UBE2K: variants seen among roughly 807,000 people sequenced by gnomAD.
UBE2K encodes the protein ubiquitin-conjugating enzyme E2 K.
UBE2K carries 6 observed loss-of-function variants against 30.0 expected under a neutral mutation model. The observed-to-expected ratio is 0.20, with a 90% CI of 0.11 to 0.39. UBE2K has a LOEUF of 0.39. Ranked by LOEUF, UBE2K falls within the 10% of genes least tolerant of loss-of-function variation. The pLI, the probability that UBE2K is intolerant of heterozygous loss-of-function variation, is 1.00. For synonymous variants in UBE2K, 86 were observed against 83.7 expected (o/e 1.03, Z -0.15); for missense variants, 61 against 241.6 (o/e 0.25, Z 4.96).
intron 1 of UBE2K, among the ~76,000 whole-genome samples, chr4:39,731,698 C>T (rs186121096): frequency 1.3e-5 from 2 of 151,978 alleles, no homozygotes; most frequent in African/African-American, 2.4e-5. Flanking sequence ...AGGTAGAAAT[C>T]GAGTGTATTT....
rs1247158839 is a variant in UBE2K at position 39,777,818 on chromosome 4, C to T, written c.528+8C>T. The T allele has an allele frequency of 7.0e-7, 1 of 1,422,878 alleles. No homozygotes were observed. The highest frequency in any genetic ancestry group is 2.8e-5 in the Admixed American group (1 of 36,202). The allele number at this position is 1,422,878 out of a possible 1,614,324, so 88.1% of individuals were successfully genotyped here. A position where few individuals can be genotyped will look rare whatever the true frequency, so the allele number is the denominator to read the frequency against. On this transcript the variant is annotated splice_region_variant and intron_variant, in intron 6 of 6. Coordinates refer to ENST00000261427, the MANE Select transcript of UBE2K (RefSeq NM_005339.5). Reference sequence around the variant, plus strand: ...GCTATGGGCTTTGATAGGGTAAGTACATAAGGGCATGTTGATTTTGATATA... The same window carrying T: ...GCTATGGGCTTTGATAGGGTAAGTATATAAGGGCATGTTGATTTTGATATA...
chr4:39,736,664 G>A (rs1014904672), intron 1 of UBE2K, among the ~76,000 whole-genome samples: 4 of 152,194 alleles, frequency 2.6e-5, no homozygotes, highest in African/African-American at 7.2e-5. Context: ...ACTGTCATAA[G>A]GTTAAGAGAC....
chr4:39,736,200 C>T (rs1436442646), intron 1 of UBE2K, among the ~76,000 whole-genome samples: 5 of 152,098 alleles, frequency 3.3e-5, no homozygotes, highest in African/African-American at 9.7e-5. Flanking sequence ...CGGTGCCTCA[C>T]GTCTATAATC....
chr4:39,707,994 T>G lies in UBE2K; in HGVS notation c.63+9604T>G, dbSNP rs1014379333. Among the ~76,000 whole-genome samples, 19 of 151,996 alleles carry G rather than the reference T, an allele frequency of 1.3e-4. 1 individual carries two copies. The highest frequency in any genetic ancestry group is 2.5e-4 in the Non-Finnish European group (17 of 67,950). Reference sequence around the variant, plus strand: ...TCATTGCAACCTCTGCCTCCCGGGTTCAAGCGATTCTCCTGCCTCAGTCTC... The same window carrying G: ...TCATTGCAACCTCTGCCTCCCGGGTGCAAGCGATTCTCCTGCCTCAGTCTC... On this transcript the variant is annotated intron_variant, in intron 1 of 6. Coordinates refer to ENST00000261427, the MANE Select transcript of UBE2K (RefSeq NM_005339.5).
At chr4:39,732,096 C>G (rs1011696053) in intron 1 of UBE2K, among the ~76,000 whole-genome samples, 1 of 152,108 alleles carries the variant, frequency 6.6e-6, no homozygotes, top group Admixed American at 6.6e-5. Flanking sequence ...GCCCCAACAT[C>G]ATTATCAAGA....
At chr4:39,770,881 G>A in intron 4 of UBE2K, 2 of 1,543,944 alleles carry the variant, frequency 1.3e-6, no homozygotes, top group South Asian at 1.2e-5. Flanking sequence ...TCCTCATCCA[G>A]TGGGAACTCC....
At chr4:39,772,674 A>G (rs1470988037) in intron 4 of UBE2K, among the ~76,000 whole-genome samples, 1 of 150,392 alleles carries the variant, frequency 6.6e-6, no homozygotes, top group Admixed American at 6.6e-5. Flanking sequence ...ACATACCTCT[A>G]TTAATTGATA....
intron 1 of UBE2K, among the ~76,000 whole-genome samples, chr4:39,705,422 C>T (rs1434672097): frequency 1.3e-5 from 2 of 151,162 alleles, no homozygotes; most frequent in Non-Finnish European, 3.0e-5. Context: ...TGGTCTCGAA[C>T]CCCTGACCTC....
chr4:39,725,952 A>G (rs540663424), intron 1 of UBE2K, among the ~76,000 whole-genome samples: 1 of 144,000 alleles, frequency 6.9e-6, no homozygotes, highest in Non-Finnish European at 1.5e-5. Flanking sequence ...CTTTTTTTTT[A>G]AAATAGTATT....
chr4:39,732,163 ATACTT>A (rs1490752902), intron 1 of UBE2K, among the ~76,000 whole-genome samples: 2 of 152,186 alleles, frequency 1.3e-5, no homozygotes, highest in Non-Finnish European at 2.9e-5. Context: ...ATTGTTCTAT[ATACTT>A]TATTCGTTAA....
At chr4:39,717,865 G>A (rs1391441318) in intron 1 of UBE2K, among the ~76,000 whole-genome samples, 1 of 147,396 alleles carries the variant, frequency 6.8e-6, no homozygotes, top group Non-Finnish European at 1.5e-5. Context: ...TTCGCGGTGA[G>A]TGTTACAGCT....
intron 1 of UBE2K, among the ~76,000 whole-genome samples, chr4:39,734,172 C>G (rs1270521413): frequency 7.0e-6 from 1 of 143,400 alleles, no homozygotes; most frequent in East Asian, 2.1e-4. Context: ...ATGGCGAAAT[C>G]TCGGCTCACT....
At chr4:39,743,746 A>T (rs192157965) in intron 2 of UBE2K, among the ~76,000 whole-genome samples, 235 of 152,334 alleles carry the variant, frequency 1.5e-3, no homozygotes, top group Non-Finnish European at 2.2e-3. Flanking sequence ...TCAATAGAAC[A>T]GTTTTATTTA....
chr4:39,699,080 C>T (rs923614809), intron 1 of UBE2K, among the ~76,000 whole-genome samples: 1 of 152,114 alleles, frequency 6.6e-6, no homozygotes, highest in Non-Finnish European at 1.5e-5. Flanking sequence ...ATTCCTAGGC[C>T]TCATCTTTAT....
At chr4:39,738,880 G>A (rs1159540712) in intron 2 of UBE2K, among the ~76,000 whole-genome samples, 1 of 151,970 alleles carries the variant, frequency 6.6e-6, no homozygotes, top group Non-Finnish European at 1.5e-5. Flanking sequence ...TCACAATAAC[G>A]GCCAGGCTGG....
At chr4:39,751,024 G>A (rs943085608) in intron 3 of UBE2K, among the ~76,000 whole-genome samples, 1 of 151,630 alleles carries the variant, frequency 6.6e-6, no homozygotes, top group Admixed American at 6.6e-5. Flanking sequence ...GGGATTACAG[G>A]TATGAGCCAC....
intron 1 of UBE2K, among the ~76,000 whole-genome samples, chr4:39,734,904 TTTGGGCAG>T (rs948196955): frequency 6.6e-6 from 1 of 152,180 alleles, no homozygotes; most frequent in African/African-American, 2.4e-5. Context: ...TAGCCAGAGA[TTTGGGCAG>T]TCCCAAAAAG....
chr4:39,722,580 C>CT (rs1276829699), intron 1 of UBE2K, among the ~76,000 whole-genome samples: 2 of 152,186 alleles, frequency 1.3e-5, no homozygotes, highest in East Asian at 3.8e-4. Flanking sequence ...CACCCCCACT[C>CT]TCACTCATGC....
intron 4 of UBE2K, chr4:39,770,869 A>C: frequency 6.5e-7 from 1 of 1,542,528 alleles, no homozygotes; most frequent in Admixed American, 2.0e-5. Context: ...TTCAGCTCCA[A>C]GTCCTCATCC....
Sources: allele counts gnomAD v4.1 joint callset (sites outside exome capture counted in the v4.1 genomes callset), GRCh38; gene constraint gnomAD v4.1.1; transcripts MANE v1.5; gene names NCBI Gene and HGNC (gene_info 2026-07-23, HGNC 2026-07-21).